Variants in VANGL1 observed in about 807,000 individuals in gnomAD.
The protein encoded by VANGL1 is VANGL planar cell polarity protein 1.
In VANGL1, 18 loss-of-function variants were observed where a neutral mutation model predicts 48.4. That is an observed-to-expected ratio of 0.37 (90% CI 0.26 to 0.55). The LOEUF (loss-of-function observed/expected upper bound fraction) is 0.55, where lower values mean the gene tolerates loss of function less well. VANGL1 is among the 20% of genes least tolerant of loss of function. The pLI is 0.81. For missense variants in VANGL1, 667 were observed against 675.8 expected (o/e 0.99, Z 0.14); for synonymous variants, 257 against 261.8 (o/e 0.98, Z 0.18).
chr1:115,691,307 ACT>A lies in VANGL1; in HGVS notation c.1508_1509del (p.Ser503Ter). ...ATGTGAAGAAAATTCCATTCATCATACTCTCTGAAGAGTTCATAGACCCCAAA... is the reference window on the plus strand; with the variant it reads ...ATGTGAAGAAAATTCCATTCATCATACTCTGAAGAGTTCATAGACCCCAAA... ...VNVKKIPFII[L>X]SEEFIDPKSH... On this transcript the variant is annotated frameshift_variant, in exon 8 of 8. Coordinates refer to ENST00000355485, the MANE Select transcript of VANGL1 (RefSeq NM_138959.3). LOFTEE classifies it high-confidence loss of function. The A allele has an allele frequency of 6.2e-7, 1 of 1,613,598 alleles. No homozygotes were observed. Among genetic ancestry groups the A allele is most frequent in the Non-Finnish European group, 8.5e-7 (1 of 1,179,950 alleles).
At chr1:115,690,752 G>C (rs1257457512) in intron 7 of VANGL1, among the ~76,000 whole-genome samples, 1 of 152,252 alleles carries the variant, frequency 6.6e-6, no homozygotes, top group African/African-American at 2.4e-5. Context: ...GGTTCAGGAG[G>C]AGGAAGACAT....
intron 4 of VANGL1, among the ~76,000 whole-genome samples, chr1:115,678,892 T>G (rs1653268716): frequency 6.7e-6 from 1 of 149,864 alleles, no homozygotes; most frequent in African/African-American, 2.5e-5. Flanking sequence ...AGGTGGAGGT[T>G]GCAGTGAGCC....
At position 115,688,527 on chromosome 1, in the gene VANGL1, C is replaced by T. The variant is rs144812439; in HGVS notation, c.1315-2592C>T. Reference sequence around the variant, plus strand: ...AAAGTTTGCCAACCCCTGGTTTAAACAGCATTGTGGTGAATACTTTTTTAC... The same window carrying T: ...AAAGTTTGCCAACCCCTGGTTTAAATAGCATTGTGGTGAATACTTTTTTAC... On this transcript the variant is annotated intron_variant, in intron 7 of 7. Transcript: ENST00000355485. Among the ~76,000 whole-genome samples the T allele has an allele frequency of 2.9e-5, 4 of 138,542 alleles. No individual in the cohort carries two copies. The East Asian group carries it at 8.2e-4, about 28-fold the overall frequency. The allele number at this position is 138,542 out of a possible 152,430, so 90.9% of individuals were successfully genotyped here.
At chr1:115,669,147 A>G (rs1208466799) in intron 4 of VANGL1, among the ~76,000 whole-genome samples, 3 of 152,206 alleles carry the variant, frequency 2.0e-5, no homozygotes, top group Non-Finnish European at 2.9e-5. Flanking sequence ...TGCTTTAAGG[A>G]GGTATATGAA....
At position 115,682,304 on chromosome 1, in the gene VANGL1, G is replaced by A. The variant is rs10923176; in HGVS notation, c.813-60G>A. ...ACCTGACTCCAAAAGAGGATTTTTC[G>A]TTTAGGACCTGCTTCTTCAGTGAAA... On this transcript the variant is annotated intron_variant, in intron 4 of 7. Transcript: ENST00000355485. 0.67 allele frequency: 1,078,014 copies of A among 1,603,066 alleles called. 364,066 individuals carry two copies. The highest frequency in any genetic ancestry group is 0.75 in the South Asian group (67,715 of 90,368).
In VANGL1 at chr1:115,689,695, G is replaced by A. The variant is rs531571500; in HGVS notation, c.1315-1424G>A. Among the ~76,000 whole-genome samples the A allele has an allele frequency of 1.5e-5, 2 of 135,980 alleles. 1 individual carries two copies. Among genetic ancestry groups the A allele is most frequent in the African/African-American group, 5.6e-5 (2 of 36,016 alleles). 89.2% of individuals were successfully genotyped at this position (135,980 alleles called of 152,430 possible). ...TTCTTCGCCAGGTGCAGTGGCTCAC[G>A]CCTGTAATCTCAACACTTTGGGAGG... On this transcript the variant is annotated intron_variant, in intron 7 of 7. Coordinates refer to ENST00000355485, the MANE Select transcript of VANGL1 (RefSeq NM_138959.3).
chr1:115,686,994 C>T (rs563271501), intron 7 of VANGL1, among the ~76,000 whole-genome samples: 2 of 133,968 alleles, frequency 1.5e-5, no homozygotes, highest in Non-Finnish European at 3.2e-5. Flanking sequence ...ACATGTGTAA[C>T]ATTTGGTAGC....
At chr1:115,673,594 CTT>C (rs960453479) in intron 4 of VANGL1, among the ~76,000 whole-genome samples, 2,907 of 108,260 alleles carry the variant, frequency 0.027, 58 homozygotes, top group African/African-American at 0.11. Flanking sequence ...TGTATGTCCT[CTT>C]TTTTTTTTTT....
At chr1:115,678,216 G>C (rs1413698732) in intron 4 of VANGL1, among the ~76,000 whole-genome samples, 1 of 152,230 alleles carries the variant, frequency 6.6e-6, no homozygotes, top group Non-Finnish European at 1.5e-5. Context: ...TGCAAGTTTA[G>C]GGACAGATCA....
chr1:115,686,429 C>G (rs1194770253), intron 7 of VANGL1, among the ~76,000 whole-genome samples: 2 of 146,990 alleles, frequency 1.4e-5, no homozygotes, highest in African/African-American at 5.0e-5. Context: ...ATTAGTTTTA[C>G]TGAGTGGTCT....
chr1:115,663,556 G>A, intron 3 of VANGL1, 105 bp from the exon 4 acceptor site: 1 of 1,494,646 alleles, frequency 6.7e-7, no homozygotes, highest in South Asian at 1.2e-5. Flanking sequence ...GGAAGCCTTT[G>A]TGAATAGGGC....
chr1:115,652,487 G>T (rs967029617), intron 2 of VANGL1, among the ~76,000 whole-genome samples: 1 of 152,232 alleles, frequency 6.6e-6, no homozygotes, highest in Non-Finnish European at 1.5e-5. Context: ...CTACAGGGCT[G>T]TTGAGAGGAT....
At chr1:115,650,623 A>G (rs780789950) in intron 1 of VANGL1, among the ~76,000 whole-genome samples, 62 of 152,100 alleles carry the variant, frequency 4.1e-4, no homozygotes, top group Non-Finnish European at 6.9e-4. Context: ...AAGAGTTTCT[A>G]TTCTTTATAA....
In VANGL1 at chr1:115,651,349, G is replaced by A; in HGVS notation, c.-65G>A. 6.7e-7 allele frequency: 1 copy of A among 1,492,246 alleles called. No individual in the cohort carries two copies. Among genetic ancestry groups the A allele is most frequent in the Non-Finnish European group, 9.3e-7 (1 of 1,076,170 alleles). The allele number at this position is 1,492,246 out of a possible 1,614,324, so 92.4% of individuals were successfully genotyped here. ...TTGAGGTTTTAGGAGTCTGGTAGGT[G>A]AAATTTTCTACCTCTAAGGAGAAAC... On this transcript the variant is annotated 5_prime_UTR_variant, in exon 2 of 8. Coordinates refer to ENST00000355485, the MANE Select transcript of VANGL1 (RefSeq NM_138959.3).
At position 115,691,588 on chromosome 1, in the gene VANGL1, A is replaced by T; in HGVS notation, c.*209A>T. The T allele has an allele frequency of 1.8e-6, 1 of 561,672 alleles. No individual in the cohort carries two copies. Among genetic ancestry groups the T allele is most frequent in the Non-Finnish European group, 3.0e-6 (1 of 337,000 alleles). The allele number at this position is 561,672 out of a possible 1,614,324, so 34.8% of individuals were successfully genotyped here. ...GAAAAAGAGTGACTGATGACATCTG[A>T]CTTTTGTCGATGGGACTTCTCAAGA... is the stretch of plus-strand genomic sequence containing the variant. On this transcript the variant is annotated 3_prime_UTR_variant, in exon 8 of 8. Coordinates refer to ENST00000355485, the MANE Select transcript of VANGL1 (RefSeq NM_138959.3).
In VANGL1 at chr1:115,687,711, G is replaced by C. The variant is rs1255669027; in HGVS notation, c.1314+2184G>C. On this transcript the variant is annotated intron_variant, in intron 7 of 7. Transcript: ENST00000355485. ...GTCATTGCTCTCTCTTTCTCTGTGT[G>C]TGTGTGTGTGTGTGTGTGTGTGTGT... Among the ~76,000 whole-genome samples, 311 of 86,402 alleles carry C rather than the reference G, an allele frequency of 3.6e-3. 55 individuals are homozygous for C. The highest frequency in any genetic ancestry group is 5.6e-3 in the Non-Finnish European group (240 of 42,716). The allele number at this position is 86,402 out of a possible 152,430, so 56.7% of individuals were successfully genotyped here.
chr1:115,674,891 A>C (rs889698799), intron 4 of VANGL1, among the ~76,000 whole-genome samples: 1 of 152,196 alleles, frequency 6.6e-6, no homozygotes, highest in Non-Finnish European at 1.5e-5. Flanking sequence ...CAGAAGCCAC[A>C]ATCAAGTTCA....
chr1:115,675,206 A>G (rs1299664483), intron 4 of VANGL1, among the ~76,000 whole-genome samples: 1 of 152,178 alleles, frequency 6.6e-6, no homozygotes, highest in Non-Finnish European at 1.5e-5. Context: ...TTGTAAAAAG[A>G]ATTGTTATAT....
At chr1:115,690,563 C>A (rs1244406352) in intron 7 of VANGL1, among the ~76,000 whole-genome samples, 1 of 152,230 alleles carries the variant, frequency 6.6e-6, no homozygotes. Flanking sequence ...TTCATCCTTA[C>A]GGCAGCCCTG....
Sources: gnomAD v4.1 joint callset for allele counts (sites outside exome capture counted in the v4.1 genomes callset) on GRCh38, gnomAD v4.1.1 for gene constraint, MANE v1.5 for transcripts, NCBI Gene and HGNC (gene_info 2026-07-23, HGNC 2026-07-21) for gene names.